CCDC93: variants seen among roughly 807,000 people sequenced by gnomAD.
CCDC93 encodes the protein coiled-coil domain-containing protein 93.
A neutral mutation model predicts 108.2 loss-of-function variants in CCDC93; 61 were observed. That is an observed-to-expected ratio of 0.56 (90% CI 0.46 to 0.70). The LOEUF (loss-of-function observed/expected upper bound fraction) is 0.70, where lower values mean the gene tolerates loss of function less well. CCDC93 is among the 30% of genes least tolerant of loss of function. CCDC93 has a pLI of 0.00. For missense variants in CCDC93, 685 were observed against 764.2 expected (o/e 0.90, Z 1.22); for synonymous variants, 276 against 260.4 (o/e 1.06, Z -0.58).
chr2:117,957,601 C>G (rs148178551), intron 12 of CCDC93, among the ~76,000 whole-genome samples: 1 of 152,164 alleles, frequency 6.6e-6, no homozygotes, highest in East Asian at 1.9e-4. Flanking sequence ...TATTTAAACA[C>G]GTCAATGGCT....
At chr2:117,984,307 G>C (rs1680248160) in intron 7 of CCDC93, among the ~76,000 whole-genome samples, 1 of 152,172 alleles carries the variant, frequency 6.6e-6, no homozygotes. Context: ...CAGGAACCAG[G>C]ATTGGTATCA....
Position 117,950,163 on chromosome 2 carries a change from A to C in CCDC93, c.1069-768T>G, listed in dbSNP as rs1034959827. The C allele has an allele frequency of 4.1e-6, 4 of 985,322 alleles. No homozygotes were observed. The African/African-American group carries it at 7.0e-5, about 17-fold the overall frequency. 61.0% of individuals were successfully genotyped at this position (985,322 alleles called of 1,614,324 possible). ...AAACACAGGAAGTGGGCTGCATAAA[A>C]TGCATGGATCCACAGAGGTGGTAAC... On this transcript the variant is annotated intron_variant, in intron 13 of 23. Transcript: ENST00000376300.
At position 117,978,338 on chromosome 2, in the gene CCDC93, G is replaced by A. The variant is rs1450259874; in HGVS notation, c.621-308C>T. Among the ~76,000 whole-genome samples, 3 of 152,148 alleles carry A rather than the reference G, an allele frequency of 2.0e-5. No individual in the cohort carries two copies. The East Asian group carries it at 5.8e-4, about 29-fold the overall frequency. On this transcript the variant is annotated intron_variant, in intron 7 of 23. Coordinates refer to ENST00000376300, the MANE Select transcript of CCDC93 (RefSeq NM_019044.5). ...TCAGCCACTGCATTTCAGAGCCACG[G>A]TTTAAGCTAAAAGCCTTAAAAATAT...
intron 11 of CCDC93, among the ~76,000 whole-genome samples, chr2:117,964,883 G>A (rs769813928): frequency 5.9e-5 from 9 of 152,192 alleles, no homozygotes; most frequent in Admixed American, 1.3e-4. Context: ...GATTACAGGC[G>A]TGAGCCTCTG....
rs544944338 is a variant in CCDC93, at chr2:117,951,089, T to C, written c.1068+1284A>G. 9.2e-6 allele frequency: 9 copies of C among 975,290 alleles called. No individual in the cohort carries two copies. The South Asian group carries it at 4.3e-4, about 46-fold the overall frequency. The allele number at this position is 975,290 out of a possible 1,614,324, so 60.4% of individuals were successfully genotyped here. On this transcript the variant is annotated intron_variant, in intron 13 of 23. Coordinates refer to ENST00000376300, the MANE Select transcript of CCDC93 (RefSeq NM_019044.5). ...AAGCTCCTTTATAAGTCACTTAGTT[T>C]ATATCCTAAGGCATATAAATGTCTT...
At chr2:117,945,401 G>A (rs536479047) in intron 17 of CCDC93, 128 bp downstream of exon 17, 108 of 720,866 alleles carry the variant, frequency 1.5e-4, no homozygotes, top group Non-Finnish European at 2.6e-4. Context: ...ACAATGCCCT[G>A]GAACGCCTAG....
At chr2:117,998,488 T>A (rs1452843408) in intron 4 of CCDC93, 2 of 152,216 alleles carry the variant, frequency 1.3e-5, no homozygotes, top group African/African-American at 4.8e-5. Flanking sequence ...TTTTAAAGTG[T>A]CCTTACCTGG....
Position 117,953,163 on chromosome 2 carries a change from C to CT in CCDC93, c.1006-729dup, listed in dbSNP as rs1679113086. 7.2e-5 allele frequency among the ~76,000 whole-genome samples: 11 copies of CT among 152,286 alleles called. 1 individual carries two copies. The South Asian group carries it at 2.3e-3, about 32-fold the overall frequency. On this transcript the variant is annotated intron_variant, in intron 12 of 23. Coordinates refer to ENST00000376300, the MANE Select transcript of CCDC93 (RefSeq NM_019044.5). ...AAACCACCTTCAAACTTGTTATTAA[C>CT]TGGGTTCAAGTTAACAATGAGAAAT...
chr2:117,940,476 C>A (rs572722737), intron 19 of CCDC93, among the ~76,000 whole-genome samples: 1 of 152,262 alleles, frequency 6.6e-6, no homozygotes, highest in South Asian at 2.1e-4. Flanking sequence ...AGGAAAGGGG[C>A]CTCCAGGCAG....
rs767427061 is a variant in CCDC93, at chr2:118,013,988, A to G, written c.8T>C (p.Leu3Ser). 2 of 1,595,726 alleles carry G rather than the reference A, an allele frequency of 1.3e-6. No homozygotes were observed. Among genetic ancestry groups the G allele is most frequent in the Non-Finnish European group, 1.7e-6 (2 of 1,172,696 alleles). ...ACCCTGGCCCTCCGGCCCCCTGGGC[A>G]ACCCCATGATCCGACCGGGCTGTCG... MG[L>S]PRGPEGQGLP... The change falls in exon 1 of 24, where the codon TTG becomes TCG. Residue 3 changes from leucine (L) to serine (S), a missense_variant. Leu to Ser is a moderately radical substitution (Grantham distance 145, BLOSUM62 -2). Transcript: ENST00000376300.
chr2:117,978,781 G>GCCGC (rs1255584208), intron 7 of CCDC93, among the ~76,000 whole-genome samples: 1 of 152,112 alleles, frequency 6.6e-6, no homozygotes, highest in Non-Finnish European at 1.5e-5. Flanking sequence ...GCTGAGGCGG[G>GCCGC]CCTATCACCT....
intron 7 of CCDC93, chr2:117,985,479 T>C (rs1680288187): frequency 1.1e-6 from 1 of 947,836 alleles, no homozygotes; most frequent in Non-Finnish European, 1.3e-6. Flanking sequence ...GAGAAGCATG[T>C]CCTTGCACTT....
intron 6 of CCDC93, among the ~76,000 whole-genome samples, chr2:117,993,677 T>C (rs1271023646): frequency 6.6e-6 from 1 of 152,224 alleles, no homozygotes; most frequent in Admixed American, 6.5e-5. Context: ...CATATCCAAC[T>C]AACTGGTTAC....
intron 8 of CCDC93, among the ~76,000 whole-genome samples, chr2:117,976,189 G>A (rs1391717695): frequency 6.6e-6 from 1 of 152,152 alleles, no homozygotes; most frequent in Non-Finnish European, 1.5e-5. Context: ...ATCTACAGGG[G>A]ATGAGACTGC....
chr2:117,951,243 C>G (rs1041572195), intron 13 of CCDC93: 2 of 985,234 alleles, frequency 2.0e-6, no homozygotes, highest in Admixed American at 1.2e-4. Context: ...GCTCCCAACC[C>G]GCAGAGCTTG....
intron 8 of CCDC93, among the ~76,000 whole-genome samples, chr2:117,976,002 C>T (rs923673550): frequency 6.6e-6 from 1 of 152,168 alleles, no homozygotes; most frequent in African/African-American, 2.4e-5. Flanking sequence ...CCCTGCCATC[C>T]ACCAGCTGGG....
intron 11 of CCDC93, among the ~76,000 whole-genome samples, chr2:117,967,158 T>C (rs1468753020): frequency 1.3e-5 from 2 of 152,176 alleles, no homozygotes; most frequent in Non-Finnish European, 2.9e-5. Context: ...CACACCCAGC[T>C]AATTTTTGTA....
chr2:117,983,630 T>TTTTATA (rs1262707425), intron 7 of CCDC93, among the ~76,000 whole-genome samples: 32 of 98,560 alleles, frequency 3.2e-4, no homozygotes, highest in African/African-American at 1.0e-3. Flanking sequence ...CTGCTCAAAA[T>TTTTATA]TATATATATA....
chr2:118,011,513 C>T (rs1677021396), intron 1 of CCDC93, among the ~76,000 whole-genome samples: 2 of 152,168 alleles, frequency 1.3e-5, no homozygotes, highest in African/African-American at 4.8e-5. Context: ...CAAGTGAAAA[C>T]ACTCTAAGAA....
Sources: gnomAD v4.1 joint callset for allele counts (sites outside exome capture counted in the v4.1 genomes callset) on GRCh38, gnomAD v4.1.1 for gene constraint, MANE v1.5 for transcripts, NCBI Gene and HGNC (gene_info 2026-07-23, HGNC 2026-07-21) for gene names.